Variants in PTPRN2 observed in about 807,000 individuals in gnomAD.
PTPRN2 encodes protein tyrosine phosphatase receptor type N2, also known as receptor-type tyrosine-protein phosphatase N2.
PTPRN2 carries 74 observed loss-of-function variants against 118.8 expected under a neutral mutation model. That is an observed-to-expected ratio of 0.62 (90% confidence interval 0.52 to 0.76). The LOEUF is 0.76. PTPRN2 is among the 30% of genes least tolerant of loss of function. The probability of loss-of-function intolerance (pLI) is 0.00; values close to 1 mark genes in which losing one functional copy is unlikely to be tolerated. For missense variants in PTPRN2, 1,481 were observed against 1,394.4 expected, an observed-to-expected ratio of 1.06 and a Z score of -0.99; for synonymous variants, 641 against 608.0, an observed-to-expected ratio of 1.05 and a Z score of -0.80.
At chr7:158,428,788 C>T (rs1815947736) in intron 2 of PTPRN2, among the ~76,000 whole-genome samples, 1 of 152,104 alleles carries the variant, frequency 6.6e-6, no homozygotes, top group Non-Finnish European at 1.5e-5. Flanking sequence ...GTTCAGTCAC[C>T]GTGTCTGTAT....
chr7:157,839,235 T>TAGTC (rs1361763130), intron 12 of PTPRN2, among the ~76,000 whole-genome samples: 19 of 152,258 alleles, frequency 1.2e-4, no homozygotes, highest in Non-Finnish European at 2.5e-4. Context: ...GAAGCATGTA[T>TAGTC]AGTCGTATGT....
rs1826952155 is a variant in PTPRN2 at position 158,555,903 on chromosome 7, C to A, written c.112+31655G>T. Among the ~76,000 whole-genome samples the A allele has an allele frequency of 6.6e-6, 1 of 152,154 alleles. No individual in the cohort carries two copies. The highest frequency in any genetic ancestry group is 1.5e-5 in the Non-Finnish European group (1 of 68,030). ...AACAATAATCACAACATGGCACACA[C>A]AACACACGTCCCAAAATAAATCTTC... On this transcript the variant is annotated intron_variant, in intron 1 of 22. Coordinates refer to ENST00000389418, the MANE Select transcript of PTPRN2 (RefSeq NM_002847.5). This position sits in a 1 kb window ranked among gnomAD's most constrained non-coding sequence, Gnocchi z 4.7.
At chr7:158,364,447 C>CACCTGCCTCTCGCCAT (rs1809273440) in intron 2 of PTPRN2, among the ~76,000 whole-genome samples, 1 of 152,146 alleles carries the variant, frequency 6.6e-6, no homozygotes, top group African/African-American at 2.4e-5. Context: ...ATCCTCACTT[C>CACCTGCCTCTCGCCAT]GTATTCAGGT....
chr7:158,323,370 C>T (rs936197399), intron 2 of PTPRN2, among the ~76,000 whole-genome samples: 12 of 152,158 alleles, frequency 7.9e-5, no homozygotes, highest in African/African-American at 2.9e-4. Flanking sequence ...GGACGCAACC[C>T]CTTCACTGTG....
At chr7:158,206,119 C>T (rs998130690) in intron 3 of PTPRN2, among the ~76,000 whole-genome samples, 1 of 152,188 alleles carries the variant, frequency 6.6e-6, no homozygotes, top group Non-Finnish European at 1.5e-5. Context: ...GTGCTAGTGT[C>T]ACCCTTCCCT....
intron 1 of PTPRN2, among the ~76,000 whole-genome samples, chr7:158,580,501 C>G (rs115363032): frequency 1.3e-5 from 2 of 152,200 alleles, no homozygotes; most frequent in Non-Finnish European, 2.9e-5. Flanking sequence ...TTCAGAACCA[C>G]GTGGTGACGG....
chr7:158,176,697 T>C (rs1428643888), intron 5 of PTPRN2, among the ~76,000 whole-genome samples: 1 of 152,192 alleles, frequency 6.6e-6, no homozygotes, highest in Non-Finnish European at 1.5e-5. Context: ...CTGCTCTGCC[T>C]CAGATGCTAC....
chr7:157,767,547 C>T (rs908555595), intron 12 of PTPRN2, among the ~76,000 whole-genome samples: 3 of 152,234 alleles, frequency 2.0e-5, no homozygotes, highest in Non-Finnish European at 4.4e-5. Context: ...CTCCTGCTCT[C>T]CCAGGAAACA....
intron 3 of PTPRN2, among the ~76,000 whole-genome samples, chr7:158,275,909 G>A (rs553976777): frequency 5.9e-4 from 90 of 152,258 alleles, no homozygotes; most frequent in Non-Finnish European, 9.7e-4. Context: ...TGGTCCCTCC[G>A]CCATCCTGAG....
At chr7:158,333,870 C>A (rs1190972318) in intron 2 of PTPRN2, among the ~76,000 whole-genome samples, 1 of 143,880 alleles carries the variant, frequency 7.0e-6, no homozygotes, top group African/African-American at 2.7e-5. Context: ...ACGTCACTCA[C>A]ACCCACACTC....
chr7:158,325,587 A>C (rs1803435633), intron 2 of PTPRN2, among the ~76,000 whole-genome samples: 1 of 152,250 alleles, frequency 6.6e-6, no homozygotes, highest in Non-Finnish European at 1.5e-5. Flanking sequence ...AGCTGCCTGG[A>C]AACTATCAGA....
chr7:158,374,936 T>C (rs1338713645), intron 2 of PTPRN2, among the ~76,000 whole-genome samples: 1 of 152,166 alleles, frequency 6.6e-6, no homozygotes, highest in Non-Finnish European at 1.5e-5. Flanking sequence ...ATATGTAACA[T>C]TTAACTGGGA....
At chr7:158,539,812 G>A in intron 1 of PTPRN2, 1 of 248,342 alleles carries the variant, frequency 4.0e-6, no homozygotes. Context: ...CATACTGTGA[G>A]CCTGGAGCTG....
At chr7:158,265,670 CTG>C (rs1563059170) in intron 3 of PTPRN2, among the ~76,000 whole-genome samples, 1 of 152,116 alleles carries the variant, frequency 6.6e-6, no homozygotes, top group African/African-American at 2.4e-5. Flanking sequence ...CCTGGCAGAA[CTG>C]TGTGAGGCTG....
chr7:157,741,571 T>A (rs1271288478), intron 12 of PTPRN2, among the ~76,000 whole-genome samples: 2 of 152,112 alleles, frequency 1.3e-5, no homozygotes, highest in African/African-American at 4.8e-5. Flanking sequence ...CTTCCTCACC[T>A]CTCTCTGGAC....
At chr7:157,605,611 G>C (rs531570073) in intron 15 of PTPRN2, among the ~76,000 whole-genome samples, 1 of 152,334 alleles carries the variant, frequency 6.6e-6, no homozygotes, top group South Asian at 2.1e-4. Flanking sequence ...ATGAAGAGGG[G>C]TTTATCGAGC....
rs185345996 is a variant in PTPRN2 at position 158,371,958 on chromosome 7, G to A, written c.164-55026C>T. 3.6e-3 allele frequency among the ~76,000 whole-genome samples: 553 copies of A among 152,278 alleles called. 4 individuals carry two copies. The highest frequency in any genetic ancestry group is 0.013 in the African/African-American group (535 of 41,566). ...GGACGTAGCGCACTCAGCGTCCGTCGTGGCCCCGGGGATGAGGTTCTGTGA... is the reference window on the plus strand; with the variant it reads ...GGACGTAGCGCACTCAGCGTCCGTCATGGCCCCGGGGATGAGGTTCTGTGA... On this transcript the variant is annotated intron_variant, in intron 2 of 22. Transcript: ENST00000389418.
chr7:158,568,499 G>A (rs1302725018), intron 1 of PTPRN2, among the ~76,000 whole-genome samples: 2 of 149,564 alleles, frequency 1.3e-5, no homozygotes, highest in Non-Finnish European at 3.0e-5. Context: ...TTCTTTTTTT[G>A]AACTACTGAG....
chr7:157,850,324 G>A (rs777333388), intron 12 of PTPRN2, among the ~76,000 whole-genome samples: 32 of 78,252 alleles, frequency 4.1e-4, no homozygotes, highest in Admixed American at 3.1e-3. Context: ...CCGAATTTCC[G>A]ACGTGGGTGC....
Sources: allele counts gnomAD v4.1 joint callset (sites outside exome capture counted in the v4.1 genomes callset), GRCh38; gene constraint gnomAD v4.1.1; non-coding constraint Gnocchi (gnomAD v3.1); transcripts MANE v1.5; gene names NCBI Gene and HGNC (gene_info 2026-07-23, HGNC 2026-07-21).